MTCL2: variants seen among roughly 807,000 people sequenced by gnomAD.
MTCL2 encodes microtubule crosslinking factor 2.
At chr20:36,803,043 T>C in the MTCL2 span, 8 of 1,606,936 alleles carry the variant, frequency 5.0e-6, no homozygotes, top group East Asian at 2.2e-5. Flanking sequence ...ACGCTCCCGC[T>C]GTAGGGCTGC....
At chr20:36,803,078 C>T in the MTCL2 span, 1 of 1,608,780 alleles carries the variant, frequency 6.2e-7, no homozygotes, top group Non-Finnish European at 8.5e-7. Context: ...CTGCCCGCTC[C>T]CCGGCCCCCT....
the MTCL2 span, chr20:36,786,227 C>T: frequency 8.7e-7 from 1 of 1,145,682 alleles, no homozygotes; most frequent in Non-Finnish European, 1.1e-6. Flanking sequence ...TCAGTGGATG[C>T]TTGGGAAGCC....
At chr20:36,845,586 G>A in the MTCL2 span, among the ~76,000 whole-genome samples, 4 of 152,266 alleles carry the variant, frequency 2.6e-5, no homozygotes, top group Non-Finnish European at 4.4e-5. Context: ...GGCTGGGTCT[G>A]CAGGGACGTG....
At chr20:36,784,325 G>A in the MTCL2 span, 14 of 985,980 alleles carry the variant, frequency 1.4e-5, no homozygotes, top group South Asian at 9.4e-5. Context: ...TGGAGGAGGC[G>A]GCTGGCGGGA....
chr20:36,857,824 C>T, the MTCL2 span, among the ~76,000 whole-genome samples: 13 of 152,142 alleles, frequency 8.5e-5, no homozygotes, highest in African/African-American at 2.9e-4. Context: ...CCTGGAGGAA[C>T]GGATAAGGGA....
At chr20:36,817,487 T>TAA in the MTCL2 span, 1,750 of 1,324,968 alleles carry the variant, frequency 1.3e-3, no homozygotes, top group Non-Finnish European at 1.4e-3. Flanking sequence ...GAGATTTAAT[T>TAA]AAAAAAAAAA....
chr20:36,798,743 C>T, the MTCL2 span, among the ~76,000 whole-genome samples: 1 of 152,130 alleles, frequency 6.6e-6, no homozygotes, highest in Non-Finnish European at 1.5e-5. Context: ...GCATATCTTA[C>T]GTGGTTTCTT....
the MTCL2 span, among the ~76,000 whole-genome samples, chr20:36,855,132 T>C: frequency 2.0e-5 from 3 of 152,214 alleles, no homozygotes; most frequent in African/African-American, 7.2e-5. Flanking sequence ...AAGCGCCAAG[T>C]GCTGTCGGGT....
the MTCL2 span, chr20:36,863,410 G>A: frequency 7.3e-6 from 8 of 1,102,034 alleles, no homozygotes; most frequent in Non-Finnish European, 8.9e-6. The surrounding 1 kb of genome is among the most constrained non-coding windows in gnomAD (Gnocchi z 6.2). Context: ...CGACGTCCCT[G>A]GGGAGGGACC....
the MTCL2 span, among the ~76,000 whole-genome samples, chr20:36,803,448 G>A: frequency 2.0e-5 from 3 of 152,100 alleles, no homozygotes; most frequent in Non-Finnish European, 4.4e-5. Context: ...AAGGGAATGT[G>A]CAACCTTTAG....
chr20:36,812,938 C>A, the MTCL2 span: 1 of 1,442,418 alleles, frequency 6.9e-7, no homozygotes, highest in East Asian at 2.5e-5. Flanking sequence ...CTCTGCGCTC[C>A]CTAAGAGGCT....
At chr20:36,839,285 T>C in the MTCL2 span, 2 of 1,611,792 alleles carry the variant, frequency 1.2e-6, no homozygotes, top group East Asian at 2.2e-5. This position sits in a 1 kb window ranked among gnomAD's most constrained non-coding sequence, Gnocchi z 5.1. Flanking sequence ...GCACGGAGAC[T>C]GCGGCGCTCG....
chr20:36,841,874 G>GGGGTGTGTGTGTGT, the MTCL2 span, among the ~76,000 whole-genome samples: 136 of 110,854 alleles, frequency 1.2e-3, no homozygotes, highest in African/African-American at 3.5e-3. Context: ...TGGGGGGTGG[G>GGGGTGTGTGTGTGT]GTGTGTGTGT....
the MTCL2 span, among the ~76,000 whole-genome samples, chr20:36,861,346 C>T: frequency 5.9e-5 from 9 of 152,266 alleles, no homozygotes; most frequent in South Asian, 2.1e-4. Flanking sequence ...TCCCATTTAA[C>T]GGATGAGGAG....
chr20:36,833,935 G>A, the MTCL2 span, among the ~76,000 whole-genome samples: 1 of 152,136 alleles, frequency 6.6e-6, no homozygotes, highest in Non-Finnish European at 1.5e-5. Flanking sequence ...GGCCGAGGCC[G>A]GCAGATCACT....
the MTCL2 span, among the ~76,000 whole-genome samples, chr20:36,818,779 A>G: frequency 1.3e-5 from 2 of 152,266 alleles, no homozygotes; most frequent in Non-Finnish European, 2.9e-5. Context: ...TCTGCAATGT[A>G]CAACACCAAC....
chr20:36,816,199 C>T, the MTCL2 span: 4 of 1,613,626 alleles, frequency 2.5e-6, no homozygotes, highest in Non-Finnish European at 3.4e-6. Context: ...TTCAGCAGCT[C>T]CTCCTTCATG....
At chr20:36,794,769 C>CTTTT in the MTCL2 span, 1 of 642,452 alleles carries the variant, frequency 1.6e-6, no homozygotes, top group Non-Finnish European at 2.6e-6. The surrounding 1 kb of genome is among the most constrained non-coding windows in gnomAD (Gnocchi z 5.4). Context: ...TCTGCATTTT[C>CTTTT]TTTTTTTTTT....
the MTCL2 span, chr20:36,794,153 C>T: frequency 1.5e-5 from 23 of 1,551,028 alleles, no homozygotes; most frequent in Non-Finnish European, 1.9e-5. This position sits in a 1 kb window ranked among gnomAD's most constrained non-coding sequence, Gnocchi z 5.4. Flanking sequence ...CAGGCGCTGC[C>T]GTGAGAAGTT....
Sources: allele counts gnomAD v4.1 joint callset (sites outside exome capture counted in the v4.1 genomes callset), GRCh38; gene constraint gnomAD v4.1.1; non-coding constraint Gnocchi (gnomAD v3.1); transcripts MANE v1.5; gene names NCBI Gene and HGNC (gene_info 2026-07-23, HGNC 2026-07-21).